The following TEX36 variants were observed in gnomAD, a reference collection of about 807,000 sequenced individuals.
TEX36 encodes testis expressed 36.
Under a neutral mutation model 13.6 loss-of-function variants are expected in TEX36, and 12 were observed. The observed-to-expected ratio is 0.88, with a 90% CI of 0.56 to 1.43. The LOEUF is 1.43. TEX36 is among the 40% of genes most tolerant of loss of function. The pLI is 0.00. For synonymous variants in TEX36, 93 were observed against 83.0 expected (o/e 1.12, Z -0.65); for missense variants, 224 against 228.3 (o/e 0.98, Z 0.12).
chr10:125,660,065 T>C (rs1436027579), intron 3 of TEX36, among the ~76,000 whole-genome samples: 1 of 152,222 alleles, frequency 6.6e-6, no homozygotes, highest in Non-Finnish European at 1.5e-5. Context: ...AATATCTCAT[T>C]AATTTTTTAT....
chr10:125,664,125 T>A (rs1847089628), intron 1 of TEX36, among the ~76,000 whole-genome samples: 2 of 152,190 alleles, frequency 1.3e-5, no homozygotes, highest in Non-Finnish European at 2.9e-5. Flanking sequence ...TTATTTTACT[T>A]AACATTTCCT....
intron 1 of TEX36, among the ~76,000 whole-genome samples, chr10:125,673,113 T>G (rs908668711): frequency 1.3e-5 from 2 of 152,248 alleles, no homozygotes; most frequent in Admixed American, 1.3e-4. Flanking sequence ...ATTGAGGCAT[T>G]TAGCCCATTT....
chr10:125,583,408 C>T (rs569574942), intron 3 of TEX36, among the ~76,000 whole-genome samples: 2 of 151,744 alleles, frequency 1.3e-5, no homozygotes, highest in East Asian at 3.9e-4. Flanking sequence ...GTGTCCTCCT[C>T]CAGAGGGAAT....
At chr10:125,589,445 C>G (rs1476295399) in intron 3 of TEX36, among the ~76,000 whole-genome samples, 1 of 152,174 alleles carries the variant, frequency 6.6e-6, no homozygotes, top group Non-Finnish European at 1.5e-5. Flanking sequence ...AAGGGGAAGG[C>G]TCCTAGCATT....
intron 3 of TEX36, among the ~76,000 whole-genome samples, chr10:125,593,705 T>C (rs1420940685): frequency 1.3e-5 from 2 of 152,130 alleles, no homozygotes; most frequent in South Asian, 2.1e-4. Context: ...CCACTACAAA[T>C]AGGCAAATTC....
At chr10:125,616,315 G>C (rs572845782) in intron 3 of TEX36, among the ~76,000 whole-genome samples, 176 of 149,294 alleles carry the variant, frequency 1.2e-3, no homozygotes, top group African/African-American at 4.2e-3. Flanking sequence ...GTTATTTCTT[G>C]CCTTCTGCTA....
chr10:125,617,519 A>C (rs867004727), downstream of TEX36, among the ~76,000 whole-genome samples: 17 of 152,228 alleles, frequency 1.1e-4, 1 homozygote, highest in South Asian at 1.7e-3. Flanking sequence ...TTGTCTGTAA[A>C]GTATTTTATT....
intron 1 of TEX36, among the ~76,000 whole-genome samples, chr10:125,675,291 T>C (rs1432151564): frequency 1.3e-5 from 2 of 152,194 alleles, no homozygotes; most frequent in Non-Finnish European, 2.9e-5. Context: ...AATGGCAGAC[T>C]GGAGCTACAG....
At chr10:125,658,898 A>T (rs1215495458) in intron 3 of TEX36, among the ~76,000 whole-genome samples, 1 of 152,130 alleles carries the variant, frequency 6.6e-6, no homozygotes, top group Non-Finnish European at 1.5e-5. Flanking sequence ...TATAGTTTTA[A>T]TAAATTATTA....
At chr10:125,626,479 T>G (rs1846492220) in intron 3 of TEX36, among the ~76,000 whole-genome samples, 1 of 152,232 alleles carries the variant, frequency 6.6e-6, no homozygotes, top group African/African-American at 2.4e-5. Context: ...GTCTGTGCAT[T>G]CATTCATTTA....
exon 4 of TEX36, chr10:125,576,604 A>G: frequency 2.5e-6 from 3 of 1,189,834 alleles, no homozygotes; most frequent in Non-Finnish European, 3.4e-6. Flanking sequence ...ATAGCTGGAA[A>G]TTTATTTTTC....
chr10:125,616,395 C>A (rs1451195187), intron 3 of TEX36, among the ~76,000 whole-genome samples: 2 of 136,682 alleles, frequency 1.5e-5, no homozygotes, highest in African/African-American at 5.6e-5. Flanking sequence ...AATTTTGGAT[C>A]TTTCCTGCTT....
At chr10:125,608,556 G>A (rs879744800) in intron 3 of TEX36, among the ~76,000 whole-genome samples, 2 of 152,174 alleles carry the variant, frequency 1.3e-5, no homozygotes, top group African/African-American at 4.8e-5. Flanking sequence ...CTGAGGGCTA[G>A]AGGGACCAGG....
chr10:125,637,866 G>A (rs1846639553), intron 3 of TEX36, among the ~76,000 whole-genome samples: 1 of 151,894 alleles, frequency 6.6e-6, no homozygotes, highest in Non-Finnish European at 1.5e-5. Flanking sequence ...CCACTCCTGA[G>A]CTGCTGAGTT....
chr10:125,604,927 A>T (rs539928066), intron 3 of TEX36, among the ~76,000 whole-genome samples: 2 of 152,164 alleles, frequency 1.3e-5, no homozygotes, highest in East Asian at 1.9e-4. Context: ...CCGATTCTAC[A>T]TGATGGTGAG....
intron 3 of TEX36, among the ~76,000 whole-genome samples, chr10:125,584,298 G>A (rs1004039750): frequency 2.6e-5 from 4 of 152,246 alleles, no homozygotes; most frequent in African/African-American, 4.8e-5. Context: ...GATGTTGTTT[G>A]AACGCACTAA....
chr10:125,583,133 C>A lies in TEX36; in HGVS notation c.265-6259G>T, dbSNP rs115130767. Among the ~76,000 whole-genome samples the A allele has an allele frequency of 5.3e-3, 814 of 152,340 alleles. 7 individuals are homozygous for A. Among genetic ancestry groups the A allele is most frequent in the African/African-American group, 0.019 (770 of 41,580 alleles). On this transcript the variant is annotated intron_variant, in intron 3 of 3. Coordinates refer to the TEX36 transcript ENST00000532135. ...CTTCTAATCACTAGCACAAATCTGA[C>A]AATCTGTCCAGCAGCCAGGAACTAA... is the stretch of plus-strand genomic sequence containing the variant.
intron 3 of TEX36, among the ~76,000 whole-genome samples, chr10:125,612,576 C>T (rs1287362357): frequency 1.3e-5 from 2 of 152,058 alleles, no homozygotes; most frequent in African/African-American, 2.4e-5. Flanking sequence ...CATTTATATC[C>T]TATCCAGTCT....
intron 3 of TEX36, among the ~76,000 whole-genome samples, chr10:125,659,520 TG>T (rs1314208620): frequency 1.3e-5 from 2 of 152,344 alleles, no homozygotes; most frequent in East Asian, 3.9e-4. Flanking sequence ...TATGTTGCTT[TG>T]GTTATTTAAA....
Sources: gnomAD v4.1 joint callset for allele counts (sites outside exome capture counted in the v4.1 genomes callset) on GRCh38, gnomAD v4.1.1 for gene constraint, MANE v1.5 for transcripts, NCBI Gene and HGNC (gene_info 2026-07-23, HGNC 2026-07-21) for gene names.